The following HAUS5 variants were observed in gnomAD, a reference collection of about 807,000 sequenced individuals.
HAUS5 encodes the protein HAUS augmin like complex subunit 5.
A neutral mutation model predicts 94.1 loss-of-function variants in HAUS5; 67 were observed. The ratio of observed to expected loss-of-function variants is 0.71; its 90% CI spans 0.58 to 0.87. The LOEUF (loss-of-function observed/expected upper bound fraction) is 0.87. HAUS5 is among the 40% of genes least tolerant of loss of function. The probability of loss-of-function intolerance (pLI) is 0.00; values close to 1 mark genes in which losing one functional copy is unlikely to be tolerated. For missense variants in HAUS5, 739 were observed against 825.6 expected (o/e 0.90, Z 1.29); for synonymous variants, 339 against 355.4 (o/e 0.95, Z 0.52).
rs372955017 is a variant in HAUS5 at position 35,620,060 on chromosome 19, C to T, written c.1455C>T (p.Pro485=). ...TCCCATCCATCCACCAGCTGCACCC[C>T]GCGTCCCCAAGGGGCTCCAGCTTCA... The part of the protein sequence containing the change: ...TVLPSIHQLH[P]ASPRGSSFIA... The change falls in exon 16 of 19, where the codon CCC becomes CCT. Residue 485 remains proline (P), a synonymous_variant. Transcript: ENST00000203166. The T allele has an allele frequency of 2.1e-5, 34 of 1,613,798 alleles. No homozygotes were observed. In the African/African-American group the frequency reaches 2.5e-4, roughly 12 times the overall value.
rs1188579138 is a variant in HAUS5, at chr19:35,619,599, C to CCCCTT, written c.1261-10_1261-6dup. 27 of 1,549,174 alleles carry CCCCTT rather than the reference C, an allele frequency of 1.7e-5. 1 individual carries two copies. Among genetic ancestry groups the CCCCTT allele is most frequent in the Non-Finnish European group, 2.1e-5 (24 of 1,133,270 alleles). On this transcript the variant is annotated splice_polypyrimidine_tract_variant and intron_variant, in intron 14 of 18. Transcript: ENST00000203166. ...ATGTTGTGATGCCCCACCCACCCCT[C>CCCCTT]CCCTTCCCCACAGGTGCTAGCTCTG...
intron 17 of HAUS5, 48 bp from the exon 18 acceptor site, chr19:35,622,553 C>G (rs759677121): frequency 1.3e-6 from 2 of 1,597,524 alleles, no homozygotes; most frequent in South Asian, 2.3e-5. Context: ...TGTAAGGTAC[C>G]AGCGAGCCAG....
At position 35,617,386 on chromosome 19, in the gene HAUS5, C is replaced by A; in HGVS notation, c.638+17C>A. ...CAGCCTCCCGTGAGTGTCCCTAGCC[C>A]CCAGAGACCCTGTAAAGACCCTGGG... On this transcript the variant is annotated intron_variant, in intron 8 of 18. Coordinates refer to ENST00000203166, the MANE Select transcript of HAUS5 (RefSeq NM_015302.2). 1 of 1,570,800 alleles carries A rather than the reference C, an allele frequency of 6.4e-7. No homozygotes were observed. Among genetic ancestry groups the A allele is most frequent in the Non-Finnish European group, 8.8e-7 (1 of 1,141,446 alleles).
rs1007748339 is a variant in HAUS5, at chr19:35,624,866, G to T, written c.*1873G>T. On this transcript the variant is annotated 3_prime_UTR_variant, in exon 19 of 19. Coordinates refer to ENST00000203166, the MANE Select transcript of HAUS5 (RefSeq NM_015302.2). ...TTGCAGTAAGTTTTCAAATTTGGAA[G>T]TTTGGCAGCTTTATGATCTTGAACC... 2 of 152,202 alleles carry T rather than the reference G, an allele frequency of 1.3e-5. No homozygotes were observed. Among genetic ancestry groups the T allele is most frequent in the African/African-American group, 4.8e-5 (2 of 41,454 alleles). The allele number at this position is 152,202 out of a possible 1,614,324, so 9.4% of individuals were successfully genotyped here. A position where few individuals can be genotyped will look rare whatever the true frequency, so the allele number is the denominator to read the frequency against.
Position 35,619,631 on chromosome 19 carries a change from C to T in HAUS5, c.1279C>T (p.Arg427Ter), listed in dbSNP as rs367892983. ...SPGEVLALVQ[R>*]KVVPTFEAVA... ...CCCACAGGTGCTAGCTCTGGTCCAGCGAAAGGTGGTCCCTACATTTGAGGC... is the reference window on the plus strand; with the variant it reads ...CCCACAGGTGCTAGCTCTGGTCCAGTGAAAGGTGGTCCCTACATTTGAGGC... Residue 427 changes from arginine (R) to a stop codon, truncating the protein, a stop_gained, in exon 15 of 19, where the codon CGA (arginine) becomes TGA (stop). Transcript: ENST00000203166. LOFTEE classifies it high-confidence loss of function. The T allele has an allele frequency of 2.6e-5, 41 of 1,591,396 alleles. No individual in the cohort carries two copies. Among genetic ancestry groups the T allele is most frequent in the Non-Finnish European group, 3.1e-5 (36 of 1,169,752 alleles).
rs746814801 is a variant in HAUS5 at position 35,622,828 on chromosome 19, G to C, written c.1785-48G>C. ...GAGCAGGCCATGGTTTTGCAGGGAG[G>C]GTCTGGAGGGTCAGTCCTTTCCTCG... is the stretch of plus-strand genomic sequence containing the variant. On this transcript the variant is annotated intron_variant, in intron 18 of 18. Transcript: ENST00000203166. The C allele has an allele frequency of 5.0e-6, 8 of 1,603,480 alleles. No homozygotes were observed. The Admixed American group carries it at 1.3e-4, about 27-fold the overall frequency.
intron 6 of HAUS5, among the ~76,000 whole-genome samples, chr19:35,616,274 C>T (rs1176328043): frequency 2.0e-5 from 3 of 151,332 alleles, no homozygotes; most frequent in African/African-American, 7.3e-5. Context: ...GCCTGGATTG[C>T]ACCACTGCAC....
At chr19:35,619,587 C>CCCCCCCCCCCCCCCCCAACCCCCA in intron 14 of HAUS5, 26 bp from the exon 15 acceptor site, 1 of 1,463,098 alleles carries the variant, frequency 6.8e-7, no homozygotes, top group Non-Finnish European at 9.5e-7. Flanking sequence ...TTGTGATGCC[C>CCCCCCCCCCCCCCCCCAACCCCCA]CACCCACCCC....
In HAUS5 at chr19:35,620,175, G is replaced by A. The variant is rs371132264; in HGVS notation, c.1519-20G>A. ...CTCCCCAGCCCCGCCCCAGGTGACCGTCCTTCCCTCCTCCTCCAGGCCTCG... is the reference window on the plus strand; with the variant it reads ...CTCCCCAGCCCCGCCCCAGGTGACCATCCTTCCCTCCTCCTCCAGGCCTCG... On this transcript the variant is annotated intron_variant, in intron 16 of 18. Coordinates refer to ENST00000203166, the MANE Select transcript of HAUS5 (RefSeq NM_015302.2). 4.8e-5 allele frequency: 77 copies of A among 1,611,610 alleles called. No homozygotes were observed. In the African/African-American group the frequency reaches 5.7e-4, roughly 12 times the overall value.
intron 9 of HAUS5, 36 bp downstream of exon 9, chr19:35,617,948 C>T (rs750868685): frequency 4.3e-6 from 7 of 1,611,216 alleles, no homozygotes; most frequent in Non-Finnish European, 5.1e-6. Context: ...GCCACACCCT[C>T]CCGCTCCTTG....
chr19:35,618,354 A>C, intron 10 of HAUS5, 48 bp from the exon 11 acceptor site: 1 of 1,610,000 alleles, frequency 6.2e-7, no homozygotes. Flanking sequence ...TCGAGTACCA[A>C]GGCAAGGCCG....
chr19:35,615,253 C>T lies in HAUS5; in HGVS notation c.352C>T (p.His118Tyr), dbSNP rs775450655. The T allele has an allele frequency of 2.5e-6, 4 of 1,614,092 alleles. No homozygotes were observed. The highest frequency in any genetic ancestry group is 3.4e-6 in the Non-Finnish European group (4 of 1,180,016). The change falls in exon 6 of 19, where the codon CAC becomes TAC. Residue 118 changes from histidine (H) to tyrosine (Y), a missense_variant. By Grantham distance (83) the His-to-Tyr change is moderately conservative (BLOSUM62 2). Coordinates refer to ENST00000203166, the MANE Select transcript of HAUS5 (RefSeq NM_015302.2). ...QDTAMEQARQ[H>Y]TQDTQRRALL... The stretch of plus-strand genomic sequence containing the variant: ...CACGGCCATGGAGCAGGCACGTCAG[C>T]ACACTCAAGACACCCAGCGTCGAGC...
At chr19:35,618,239 T>C in intron 10 of HAUS5, 44 bp downstream of exon 10, 1 of 1,595,292 alleles carries the variant, frequency 6.3e-7, no homozygotes, top group Non-Finnish European at 8.6e-7. Context: ...GCCATGTGAG[T>C]GGGTGAGCTG....
chr19:35,612,804 G>C lies in HAUS5; in HGVS notation c.10G>C (p.Ala4Pro). 1.3e-6 allele frequency: 2 copies of C among 1,547,284 alleles called. No individual in the cohort carries two copies. Among genetic ancestry groups the C allele is most frequent in the Non-Finnish European group, 1.7e-6 (2 of 1,145,738 alleles). The change falls in exon 1 of 19, where the codon GCG becomes CCG. Residue 4 changes from alanine (A) to proline (P), a missense_variant. Physicochemically the swap from Ala to Pro is conservative, Grantham distance 27 (BLOSUM62 -1). Transcript: ENST00000203166. Reference sequence around the variant, plus strand: ...CCGCCGCGGCGCTGTCATGGAGCTAGCGCAGGAAGCGCGGGAACTGGGTTG... The same window carrying C: ...CCGCCGCGGCGCTGTCATGGAGCTACCGCAGGAAGCGCGGGAACTGGGTTG... MELAQEARELGCWA... is the reference protein window; with the variant it reads MELPQEARELGCWA...
At chr19:35,617,618 G>T (rs1392537402) in intron 8 of HAUS5, among the ~76,000 whole-genome samples, 1 of 152,098 alleles carries the variant, frequency 6.6e-6, no homozygotes, top group Non-Finnish European at 1.5e-5. Context: ...AGCTAAGAAG[G>T]CAGGGAGGGG....
At chr19:35,617,007 C>T (rs2071949101) in intron 6 of HAUS5, 117 bp from the exon 7 acceptor site, 1 of 790,236 alleles carries the variant, frequency 1.3e-6, no homozygotes, top group Non-Finnish European at 2.1e-6. Context: ...CTGGAGATGG[C>T]TCCCGAGATC....
In HAUS5 at chr19:35,615,259, C is replaced by G. The variant is rs772339468; in HGVS notation, c.358C>G (p.Gln120Glu). The G allele has an allele frequency of 2.9e-5, 47 of 1,614,098 alleles. No homozygotes were observed. The highest frequency in any genetic ancestry group is 3.8e-5 in the Non-Finnish European group (45 of 1,180,016). ...TAMEQARQHT[Q>E]DTQRRALLLR... The stretch of plus-strand genomic sequence containing the variant: ...CATGGAGCAGGCACGTCAGCACACT[C>G]AAGACACCCAGCGTCGAGCTCTCCT... Residue 120 changes from glutamine to glutamate, a missense_variant, in exon 6 of 19, where the codon CAA becomes GAA. By Grantham distance (29) the Gln-to-Glu change is conservative. Transcript: ENST00000203166.
At position 35,620,138 on chromosome 19, in the gene HAUS5, C is replaced by T. The variant is rs1417041195; in HGVS notation, c.1518+15C>T. ...CTCCAGGGAAGGTGAGTGCCCGTCT[C>T]CTGTGACTTGTCTCCCCAGCCCCGC... On this transcript the variant is annotated intron_variant, in intron 16 of 18. Transcript: ENST00000203166. 1 of 1,612,408 alleles carries T rather than the reference C, an allele frequency of 6.2e-7. No homozygotes were observed. The highest frequency in any genetic ancestry group is 1.1e-5 in the South Asian group (1 of 91,030).
chr19:35,621,465 C>T (rs1348613756), intron 17 of HAUS5, among the ~76,000 whole-genome samples: 1 of 152,182 alleles, frequency 6.6e-6, no homozygotes, highest in Non-Finnish European at 1.5e-5. Context: ...GCCTCAGCCT[C>T]CCGAGTAGCT....
Sources: gnomAD v4.1 joint callset for allele counts (sites outside exome capture counted in the v4.1 genomes callset) on GRCh38, gnomAD v4.1.1 for gene constraint, MANE v1.5 for transcripts, NCBI Gene and HGNC (gene_info 2026-07-23, HGNC 2026-07-21) for gene names.